The following AXL variants were observed in gnomAD, a reference collection of about 807,000 sequenced individuals.
AXL encodes the protein AXL receptor tyrosine kinase.
Under a neutral mutation model 104.5 loss-of-function variants are expected in AXL, and 52 were observed. The observed-to-expected ratio is 0.50, with a 90% confidence interval of 0.40 to 0.63. The LOEUF is 0.63. Among genes scored for constraint, AXL ranks in the 20% least tolerant of loss-of-function variants. The probability of loss-of-function intolerance (pLI) is 0.00; values close to 1 mark genes in which losing one functional copy is unlikely to be tolerated. For missense variants in AXL, 1,024 were observed against 1,188.5 expected (o/e 0.86, Z 2.04); for synonymous variants, 455 against 473.7 (o/e 0.96, Z 0.51).
Position 41,231,174 on chromosome 19 carries a change from T to A in AXL, c.668-9T>A. 6.2e-7 allele frequency: 1 copy of A among 1,611,194 alleles called. No homozygotes were observed. Among genetic ancestry groups the A allele is most frequent in the South Asian group, 1.1e-5 (1 of 90,708 alleles). On this transcript the variant is annotated splice_polypyrimidine_tract_variant and intron_variant, in intron 5 of 19. Coordinates refer to ENST00000301178, the MANE Select transcript of AXL (RefSeq NM_021913.5). The stretch of plus-strand genomic sequence containing the variant: ...CTCCCCAGGGTCAATCTCTCCCGTT[T>A]GTCCACAGTGCTCCCCCAGCAGCCC...
chr19:41,238,230 C>A, intron 7 of AXL, 76 bp downstream of exon 7: 1 of 1,530,948 alleles, frequency 6.5e-7, no homozygotes, highest in Non-Finnish European at 9.0e-7. Flanking sequence ...CCCCATTGTC[C>A]CCTTTCACTC....
chr19:41,243,194 G>A (rs982957880), intron 11 of AXL, among the ~76,000 whole-genome samples, 179 bp downstream of exon 11: 3 of 152,134 alleles, frequency 2.0e-5, no homozygotes, highest in Admixed American at 2.0e-4. Context: ...TGAAGCAGGT[G>A]GATCACTTGA....
intron 7 of AXL, 133 bp downstream of exon 7, chr19:41,238,287 C>A: frequency 1.4e-6 from 2 of 1,418,874 alleles, no homozygotes; most frequent in Non-Finnish European, 9.8e-7. Context: ...ATCTCTGACC[C>A]CTCAGCAGCA....
chr19:41,222,279 T>A (rs1184047393), intron 4 of AXL, among the ~76,000 whole-genome samples: 1 of 152,058 alleles, frequency 6.6e-6, no homozygotes, highest in Non-Finnish European at 1.5e-5. Context: ...TCTTGGTGTG[T>A]GTGTCTTTCT....
intron 9 of AXL, 33 bp downstream of exon 9, chr19:41,239,347 C>G: frequency 6.5e-7 from 1 of 1,538,112 alleles, no homozygotes; most frequent in Non-Finnish European, 8.7e-7. Flanking sequence ...CCTGCTTCAA[C>G]CCTGTCTCTC....
intron 17 of AXL, among the ~76,000 whole-genome samples, chr19:41,256,126 T>TG: frequency 2.0e-5 from 3 of 151,994 alleles, no homozygotes; most frequent in Admixed American, 6.5e-5. Flanking sequence ...TGCTTACTTA[T>TG]GACTTGTGCA....
In AXL at chr19:41,231,339, C is replaced by T. The variant is rs199702283; in HGVS notation, c.783+41C>T. 1.8e-5 allele frequency: 28 copies of T among 1,543,174 alleles called. 1 individual carries two copies. In the Middle Eastern group the frequency reaches 5.1e-4, roughly 28 times the overall value. On this transcript the variant is annotated intron_variant, in intron 6 of 19. Transcript: ENST00000301178. ...TTGGTTCATTTCAGTCTCAGGCCTC[C>T]TTCCACCCACATCCACAACCCCCAT...
At position 41,221,170 on chromosome 19, in the gene AXL, C is replaced by T. The variant is rs777785212; in HGVS notation, c.333C>T (p.Asp111=). The T allele has an allele frequency of 1.5e-5, 24 of 1,613,974 alleles. No individual in the cohort carries two copies. Among genetic ancestry groups the T allele is most frequent in the South Asian group, 1.1e-5 (1 of 91,068 alleles). The change falls in exon 3 of 20, where the codon GAC becomes GAT. Residue 111 remains aspartate (D), a synonymous_variant. Coordinates refer to ENST00000301178, the MANE Select transcript of AXL (RefSeq NM_021913.5). ...QLRITSLQLS[D]TGQYQCLVFL... ...GAATCACCTCCCTGCAGCTTTCCGACACGGGACAGTACCAGTGTTTGGTGT... is the reference window on the plus strand; with the variant it reads ...GAATCACCTCCCTGCAGCTTTCCGATACGGGACAGTACCAGTGTTTGGTGT...
chr19:41,257,734 C>A, intron 19 of AXL, 105 bp downstream of exon 19: 2 of 1,452,876 alleles, frequency 1.4e-6, no homozygotes, highest in Non-Finnish European at 1.9e-6. Flanking sequence ...AGACAGAATC[C>A]CTGAGAATGC....
chr19:41,258,743 T>C (rs1264211000), intron 19 of AXL, among the ~76,000 whole-genome samples: 1 of 152,232 alleles, frequency 6.6e-6, no homozygotes, highest in African/African-American at 2.4e-5. Flanking sequence ...TGCCAAAGAT[T>C]GCACAGCTGG....
chr19:41,220,587 G>C (rs949775776), intron 1 of AXL, 49 bp from the exon 2 acceptor site: 1 of 1,494,106 alleles, frequency 6.7e-7, no homozygotes, highest in African/African-American at 1.4e-5. Context: ...ACTGAGGGCC[G>C]GAAGGAGCTG....
chr19:41,250,598 A>G (rs12977563), intron 14 of AXL, among the ~76,000 whole-genome samples: 22,009 of 151,980 alleles, frequency 0.14, 1,744 homozygotes, highest in East Asian at 0.28. Context: ...GTGCGCCACC[A>G]CGCCCAGCTA....
intron 1 of AXL, chr19:41,220,378 G>A (rs1383730376): frequency 8.6e-6 from 4 of 463,850 alleles, no homozygotes; most frequent in South Asian, 6.9e-5. Flanking sequence ...CTGCCAGGCA[G>A]TGCAGGGCGT....
chr19:41,230,679 C>T (rs888940546), intron 4 of AXL, among the ~76,000 whole-genome samples: 1 of 133,912 alleles, frequency 7.5e-6, no homozygotes, highest in African/African-American at 2.9e-5. Flanking sequence ...GTGTGTGAGA[C>T]AGTGTGTGTG....
intron 14 of AXL, 42 bp from the exon 15 acceptor site, chr19:41,252,309 C>T (rs775976089): frequency 1.3e-6 from 2 of 1,529,558 alleles, no homozygotes; most frequent in East Asian, 2.3e-5. Context: ...AGAGTCCTCC[C>T]TCTCCTCCCC....
At chr19:41,225,071 T>A (rs534483947) in intron 4 of AXL, among the ~76,000 whole-genome samples, 1 of 152,362 alleles carries the variant, frequency 6.6e-6, no homozygotes, top group Non-Finnish European at 1.5e-5. Flanking sequence ...TGGCACGATC[T>A]TGGCTTACTG....
intron 4 of AXL, among the ~76,000 whole-genome samples, chr19:41,225,655 C>T (rs918917485): frequency 6.6e-6 from 1 of 152,160 alleles, no homozygotes; most frequent in African/African-American, 2.4e-5. Flanking sequence ...TGTATGCATA[C>T]ATGTCTCTTT....
chr19:41,239,359 C>T (rs755836508), intron 9 of AXL, 45 bp downstream of exon 9: 113 of 1,536,050 alleles, frequency 7.4e-5, no homozygotes, highest in Admixed American at 1.4e-4. Flanking sequence ...CTGTCTCTCC[C>T]TGACAGCCCT....
chr19:41,258,608 G>A (rs2034489590), intron 19 of AXL, among the ~76,000 whole-genome samples: 1 of 152,084 alleles, frequency 6.6e-6, no homozygotes. Context: ...AGTAGAGATG[G>A]GGTTTCACCA....
Sources: allele counts gnomAD v4.1 joint callset (sites outside exome capture counted in the v4.1 genomes callset), GRCh38; gene constraint gnomAD v4.1.1; transcripts MANE v1.5; gene names NCBI Gene and HGNC (gene_info 2026-07-23, HGNC 2026-07-21).